Variants in PKNOX2 observed in about 807,000 individuals in gnomAD.
PKNOX2 encodes PBX/knotted 1 homeobox 2, also known as homeobox protein PKNOX2.
A neutral mutation model predicts 53.1 loss-of-function variants in PKNOX2; 14 were observed. That is an observed-to-expected ratio of 0.26 (90% CI 0.17 to 0.41). PKNOX2 has a LOEUF of 0.41. PKNOX2 is among the 10% of genes least tolerant of loss of function. The pLI is 1.00. For missense variants in PKNOX2, 496 were observed against 602.8 expected (o/e 0.82, Z 1.85); for synonymous variants, 257 against 242.8 (o/e 1.06, Z -0.54).
intron 2 of PKNOX2, among the ~76,000 whole-genome samples, chr11:125,311,687 G>C (rs1948819004): frequency 6.6e-6 from 1 of 152,194 alleles, no homozygotes; most frequent in Non-Finnish European, 1.5e-5. Context: ...TGTGGTGATT[G>C]TACAGTGGAC....
chr11:125,323,479 A>T (rs943821754), intron 2 of PKNOX2, among the ~76,000 whole-genome samples: 1 of 152,148 alleles, frequency 6.6e-6, no homozygotes. Flanking sequence ...CACAAGGTGT[A>T]AATCTTCCCT....
chr11:125,411,510 C>G (rs1955537399), intron 9 of PKNOX2: 3 of 470,160 alleles, frequency 6.4e-6, no homozygotes, highest in South Asian at 6.1e-5. Flanking sequence ...CTCTCTCTCT[C>G]CCCCCCTTCC....
intron 3 of PKNOX2, among the ~76,000 whole-genome samples, chr11:125,334,591 T>G (rs1444483357): frequency 1.4e-5 from 2 of 141,406 alleles, no homozygotes; most frequent in Non-Finnish European, 3.0e-5. Flanking sequence ...GTTTTCGTTT[T>G]TTTTTTTTTT....
intron 2 of PKNOX2, among the ~76,000 whole-genome samples, chr11:125,264,920 T>C (rs1945191267): frequency 6.6e-6 from 1 of 152,088 alleles, no homozygotes; most frequent in African/African-American, 2.4e-5. Context: ...CAGAGTGGGC[T>C]CTGGGGGCGT....
At chr11:125,357,594 G>A (rs974485408) in intron 4 of PKNOX2, among the ~76,000 whole-genome samples, 4 of 150,710 alleles carry the variant, frequency 2.7e-5, no homozygotes, top group African/African-American at 7.5e-5. Context: ...AGTCAGCAGC[G>A]GGTCTGGGGA....
intron 1 of PKNOX2, among the ~76,000 whole-genome samples, chr11:125,199,582 A>T (rs1452858662): frequency 6.6e-6 from 1 of 152,146 alleles, no homozygotes; most frequent in Non-Finnish European, 1.5e-5. Flanking sequence ...TGTGGCTCAC[A>T]CCTGTAATCC....
At chr11:125,207,787 G>A (rs1215459251) in intron 1 of PKNOX2, among the ~76,000 whole-genome samples, 1 of 152,000 alleles carries the variant, frequency 6.6e-6, no homozygotes, top group Non-Finnish European at 1.5e-5. Context: ...GCATGTCGGG[G>A]GCATGGCTGG....
chr11:125,300,786 T>A (rs1333820967), intron 2 of PKNOX2, among the ~76,000 whole-genome samples: 1 of 152,162 alleles, frequency 6.6e-6, no homozygotes, highest in East Asian at 1.9e-4. Flanking sequence ...CTGCATTTTT[T>A]CCTCTATAGG....
intron 2 of PKNOX2, among the ~76,000 whole-genome samples, chr11:125,303,777 G>A (rs1333329256): frequency 6.6e-5 from 10 of 152,192 alleles, no homozygotes; most frequent in Non-Finnish European, 1.5e-4. Context: ...TAAAAAAAGA[G>A]GGCACTCCCC....
chr11:125,383,275 A>G (rs1406800696), intron 5 of PKNOX2, among the ~76,000 whole-genome samples: 1 of 151,952 alleles, frequency 6.6e-6, no homozygotes, highest in Non-Finnish European at 1.5e-5. Context: ...GTGCTCCGTC[A>G]CGGTGTGCTG....
chr11:125,390,835 C>T (rs1954005623), intron 6 of PKNOX2, among the ~76,000 whole-genome samples: 1 of 152,228 alleles, frequency 6.6e-6, no homozygotes, highest in Non-Finnish European at 1.5e-5. Context: ...TTTGACTTGT[C>T]TTGCGTGATG....
At chr11:125,305,003 G>T (rs922503629) in intron 2 of PKNOX2, among the ~76,000 whole-genome samples, 3 of 152,194 alleles carry the variant, frequency 2.0e-5, no homozygotes, top group African/African-American at 4.8e-5. Context: ...AAAACCAAAA[G>T]AGTATCTAAA....
chr11:125,230,423 G>A (rs1334479310), intron 1 of PKNOX2, among the ~76,000 whole-genome samples: 1 of 152,236 alleles, frequency 6.6e-6, no homozygotes, highest in African/African-American at 2.4e-5. Context: ...GACTCAGTGA[G>A]ATATGGTGGG....
intron 1 of PKNOX2, among the ~76,000 whole-genome samples, chr11:125,173,066 C>A (rs1355523066): frequency 1.2e-5 from 1 of 83,010 alleles, no homozygotes; most frequent in Non-Finnish European, 3.0e-5. Context: ...TACAGCTAAG[C>A]AGTGTGCACA....
Position 125,298,512 on chromosome 11 carries a change from T to C in PKNOX2, c.-129-33307T>C, listed in dbSNP as rs546794654. ...CAAAGCAACAGCCCTGACTCTGGGGTGGGTGAAGTAGAAACTCAGCCTCCC... is the reference window on the plus strand; with the variant it reads ...CAAAGCAACAGCCCTGACTCTGGGGCGGGTGAAGTAGAAACTCAGCCTCCC... On this transcript the variant is annotated intron_variant, in intron 2 of 12. Transcript: ENST00000298282. Among the ~76,000 whole-genome samples the C allele has an allele frequency of 3.2e-4, 48 of 152,098 alleles. 1 individual carries two copies. The highest frequency in any genetic ancestry group is 1.1e-3 in the African/African-American group (44 of 41,516).
intron 1 of PKNOX2, among the ~76,000 whole-genome samples, chr11:125,207,235 C>T (rs967989650): frequency 2.0e-5 from 3 of 152,072 alleles, no homozygotes; most frequent in Non-Finnish European, 4.4e-5. Flanking sequence ...CTCCTCCCTT[C>T]CTTTCCTCCC....
intron 2 of PKNOX2, among the ~76,000 whole-genome samples, chr11:125,265,660 G>A (rs1485424364): frequency 1.3e-5 from 2 of 152,264 alleles, no homozygotes; most frequent in East Asian, 1.9e-4. Flanking sequence ...GCTGTCACCC[G>A]GGTTTCTGAG....
chr11:125,177,931 T>G (rs1228032467), intron 1 of PKNOX2, among the ~76,000 whole-genome samples: 1 of 152,218 alleles, frequency 6.6e-6, no homozygotes, highest in Non-Finnish European at 1.5e-5. Flanking sequence ...AGAGAATCTT[T>G]GTAATAGGGA....
intron 1 of PKNOX2, among the ~76,000 whole-genome samples, chr11:125,173,782 G>A (rs1955503250): frequency 6.6e-6 from 1 of 152,180 alleles, no homozygotes; most frequent in Admixed American, 6.5e-5. Flanking sequence ...CCCCTGGGTG[G>A]AAAGAATTCC....
Sources: gnomAD v4.1 joint callset for allele counts (sites outside exome capture counted in the v4.1 genomes callset) on GRCh38, gnomAD v4.1.1 for gene constraint, MANE v1.5 for transcripts, NCBI Gene and HGNC (gene_info 2026-07-23, HGNC 2026-07-21) for gene names.